Variants in ARSB observed in about 807,000 individuals in gnomAD.
The protein encoded by ARSB is N-acetylgalactosamine-4-sulfatase.
A neutral mutation model predicts 50.9 loss-of-function variants in ARSB; 41 were observed. The observed-to-expected ratio is 0.81, with a 90% CI of 0.63 to 1.04. The LOEUF is 1.04. Among genes scored for constraint, ARSB ranks in the 50% least tolerant of loss-of-function variants. The pLI is 0.00. For missense variants in ARSB, 672 were observed against 693.3 expected, an observed-to-expected ratio of 0.97 and a Z score of 0.35; for synonymous variants, 269 against 284.8, an observed-to-expected ratio of 0.94 and a Z score of 0.56.
At chr5:78,781,774 A>C in intron 7 of ARSB, 78 bp downstream of exon 7, 2 of 1,576,842 alleles carry the variant, frequency 1.3e-6, no homozygotes, top group African/African-American at 1.3e-5. Flanking sequence ...GGGCAGATAG[A>C]CTGGAGATAC....
rs1472761075 is a variant in ARSB, at chr5:78,831,743, T to TA, written c.1213+7612dup. On this transcript the variant is annotated intron_variant, in intron 6 of 7. Coordinates refer to ENST00000264914, the MANE Select transcript of ARSB (RefSeq NM_000046.5). ...AGTGAACAAACTGCCAAGGGGCCCT[T>TA]AGCCTCTGGCATTCTATGCAATGCT... is the stretch of plus-strand genomic sequence containing the variant. Among the ~76,000 whole-genome samples the TA allele has an allele frequency of 7.9e-5, 12 of 152,336 alleles. No individual in the cohort carries two copies. In the South Asian group the frequency reaches 2.5e-3, roughly 32 times the overall value.
At chr5:78,850,779 T>C (rs9763629) in intron 5 of ARSB, among the ~76,000 whole-genome samples, 98,051 of 151,964 alleles carry the variant, frequency 0.65, 31,924 homozygotes, top group Middle Eastern at 0.7. Flanking sequence ...CTTCCTGGTT[T>C]AGTCTTGGGA....
Position 78,841,168 on chromosome 5 carries a change from C to CTACTACTACTAATAATAATAATAA in ARSB, c.1143-1743_1143-1742insTTATTATTATTATTAGTAGTAGTA, listed in dbSNP as rs368030435. Among the ~76,000 whole-genome samples the CTACTACTACTAATAATAATAATAA allele has an allele frequency of 7.9e-3, 1,045 of 131,978 alleles. 9 individuals are homozygous for CTACTACTACTAATAATAATAATAA. Among genetic ancestry groups the CTACTACTACTAATAATAATAATAA allele is most frequent in the Non-Finnish European group, 0.011 (660 of 62,396 alleles). 86.6% of individuals were successfully genotyped at this position (131,978 alleles called of 152,430 possible). A position where few individuals can be genotyped will look rare whatever the true frequency, so the allele number is the denominator to read the frequency against. On this transcript the variant is annotated intron_variant, in intron 5 of 7. Transcript: ENST00000264914. Reference sequence around the variant, plus strand: ...ACTACTACTACTACTACTACTACTACTAATAATAATAATAATTTGAGCATG... The same window carrying CTACTACTACTAATAATAATAATAA: ...ACTACTACTACTACTACTACTACTACTACTACTACTAATAATAATAATAATAATAATAATAATAATTTGAGCATG...
At chr5:78,969,885 T>C (rs1230435438) in intron 1 of ARSB, among the ~76,000 whole-genome samples, 4 of 152,228 alleles carry the variant, frequency 2.6e-5, no homozygotes, top group African/African-American at 7.2e-5. Context: ...TCCCAATGTG[T>C]TGGGATTACA....
At chr5:78,965,291 AAT>A (rs61207488) in intron 2 of ARSB, among the ~76,000 whole-genome samples, 40,236 of 152,058 alleles carry the variant, frequency 0.26, 6,608 homozygotes, top group African/African-American at 0.47. Flanking sequence ...GGTTTTCTCA[AAT>A]ATAGTTGTTT....
chr5:78,985,836 T>C (rs999948233), upstream of ARSB: 3 of 152,208 alleles, frequency 2.0e-5, no homozygotes, highest in Non-Finnish European at 2.9e-5. Flanking sequence ...CACATTCATT[T>C]ATGCGTAGTG....
At chr5:78,896,580 T>C (rs7709486) in intron 4 of ARSB, among the ~76,000 whole-genome samples, 1 of 152,228 alleles carries the variant, frequency 6.6e-6, no homozygotes, top group Non-Finnish European at 1.5e-5. Context: ...CTAGACTTGA[T>C]GGATATAATA....
chr5:78,927,642 C>T (rs1051317798), intron 4 of ARSB, among the ~76,000 whole-genome samples: 4 of 152,188 alleles, frequency 2.6e-5, no homozygotes, highest in Non-Finnish European at 5.9e-5. Flanking sequence ...TCACCCACCA[C>T]CAATTCTGCC....
At chr5:78,963,772 T>G (rs1752093183) in intron 3 of ARSB, among the ~76,000 whole-genome samples, 2 of 152,140 alleles carry the variant, frequency 1.3e-5, no homozygotes, top group African/African-American at 4.8e-5. Context: ...TGTTAAGACA[T>G]CCATTCTCCC....
Position 78,806,913 on chromosome 5 carries a change from C to T in ARSB, c.1214-24939G>A, listed in dbSNP as rs550058501. Among the ~76,000 whole-genome samples, 6 of 152,352 alleles carry T rather than the reference C, an allele frequency of 3.9e-5. No individual in the cohort carries two copies. The East Asian group carries it at 7.7e-4, about 20-fold the overall frequency. On this transcript the variant is annotated intron_variant, in intron 6 of 7. Coordinates refer to ENST00000264914, the MANE Select transcript of ARSB (RefSeq NM_000046.5). The stretch of plus-strand genomic sequence containing the variant: ...ACAGTTCCATTTAAGACTCCACCAG[C>T]TGGCATGCTCTCGCCATGCTTACTC...
chr5:78,813,805 G>A (rs1428152255), intron 6 of ARSB, among the ~76,000 whole-genome samples: 1 of 152,058 alleles, frequency 6.6e-6, no homozygotes, highest in African/African-American at 2.4e-5. Flanking sequence ...ATAGAGTCAT[G>A]CAGTACTATA....
chr5:78,954,416 T>C (rs2112480605), intron 4 of ARSB, among the ~76,000 whole-genome samples: 1 of 152,232 alleles, frequency 6.6e-6, no homozygotes, highest in South Asian at 2.1e-4. Context: ...ATAATGAAAA[T>C]GATTTTCAAA....
intron 4 of ARSB, among the ~76,000 whole-genome samples, chr5:78,908,983 T>C (rs958336278): frequency 2.0e-5 from 3 of 152,172 alleles, no homozygotes; most frequent in Non-Finnish European, 4.4e-5. Flanking sequence ...AAATGCTTTA[T>C]ATATTAAACA....
At chr5:78,781,358 G>A (rs1748921572) in intron 7 of ARSB, among the ~76,000 whole-genome samples, 1 of 112,590 alleles carries the variant, frequency 8.9e-6, no homozygotes, top group Admixed American at 1.2e-4. Flanking sequence ...TGGTTAGGAC[G>A]AGTAGGTTAA....
In ARSB at chr5:78,984,921, C is replaced by G; in HGVS notation, c.312+16G>C. ...GGCGGGGCGGGGGCGGCGCGGGCGG[C>G]GGGGGCGCCGCGTACCTGGTAGCGG... On this transcript the variant is annotated intron_variant, in intron 1 of 7. Transcript: ENST00000264914. 2 of 1,321,296 alleles carry G rather than the reference C, an allele frequency of 1.5e-6. No homozygotes were observed. Among genetic ancestry groups the G allele is most frequent in the Non-Finnish European group, 1.9e-6 (2 of 1,038,554 alleles). 81.8% of individuals were successfully genotyped at this position (1,321,296 alleles called of 1,614,324 possible).
At chr5:78,898,692 G>A (rs544136234) in intron 4 of ARSB, among the ~76,000 whole-genome samples, 8 of 152,196 alleles carry the variant, frequency 5.3e-5, no homozygotes, top group Non-Finnish European at 1.2e-4. Flanking sequence ...TAATGTCAAG[G>A]TGTTGAGAGG....
At chr5:78,807,557 C>G (rs1172807506) in intron 6 of ARSB, among the ~76,000 whole-genome samples, 1 of 152,188 alleles carries the variant, frequency 6.6e-6, no homozygotes, top group Admixed American at 6.5e-5. Context: ...CTCCCCACCC[C>G]TTCCTGAGCC....
chr5:78,979,372 C>G (rs914164834), intron 1 of ARSB, among the ~76,000 whole-genome samples: 1 of 152,162 alleles, frequency 6.6e-6, no homozygotes, highest in Non-Finnish European at 1.5e-5. Context: ...CGCTAAAACC[C>G]ACATACGTTG....
At chr5:78,811,936 T>C (rs1196588334) in intron 6 of ARSB, among the ~76,000 whole-genome samples, 5 of 152,144 alleles carry the variant, frequency 3.3e-5, no homozygotes, top group African/African-American at 1.2e-4. Flanking sequence ...TCCATACATT[T>C]TTTTTTTCTT....
Sources: gnomAD v4.1 joint callset for allele counts (sites outside exome capture counted in the v4.1 genomes callset) on GRCh38, gnomAD v4.1.1 for gene constraint, MANE v1.5 for transcripts, NCBI Gene and HGNC (gene_info 2026-07-23, HGNC 2026-07-21) for gene names.